Variants in UGT1A6 observed in about 807,000 individuals in gnomAD.
The protein encoded by UGT1A6 is UDP-glucuronosyltransferase 1A6.
In UGT1A6, 32 loss-of-function variants were observed where a neutral mutation model predicts 44.4. That is an observed-to-expected ratio of 0.72 (90% CI 0.54 to 0.97). The LOEUF is 0.97. Ranked by LOEUF, UGT1A6 falls within the 50% of genes least tolerant of loss-of-function variation. The pLI is 0.00. For missense variants in UGT1A6, 685 were observed against 661.9 expected (o/e 1.03, Z -0.38); for synonymous variants, 238 against 248.5 (o/e 0.96, Z 0.40).
At chr2:233,758,920 TC>T (rs1167539865) in intron 1 of UGT1A6, among the ~76,000 whole-genome samples, 7 of 152,264 alleles carry the variant, frequency 4.6e-5, no homozygotes, top group African/African-American at 1.7e-4. Flanking sequence ...TGCTCATCTT[TC>T]CCTTTTGACT....
At chr2:233,703,078 G>C (rs937204099) in intron 1 of UGT1A6, among the ~76,000 whole-genome samples, 2 of 152,100 alleles carry the variant, frequency 1.3e-5, no homozygotes, top group African/African-American at 4.8e-5. Flanking sequence ...TCTGGGCCTA[G>C]GCTTTTCTTG....
In UGT1A6 at chr2:233,768,537, T is replaced by C; in HGVS notation, c.1301+98T>C. ...TTACGTAGCATTTAATAGCGTTGTT[T>C]CAAATATAAAAACAAATACATAAAA... On this transcript the variant is annotated intron_variant, in intron 4 of 4. Transcript: ENST00000305139. 2.0e-6 allele frequency: 3 copies of C among 1,499,906 alleles called. No individual in the cohort carries two copies. The South Asian group carries it at 4.0e-5, about 20-fold the overall frequency. The allele number at this position is 1,499,906 out of a possible 1,614,324, so 92.9% of individuals were successfully genotyped here.
intron 1 of UGT1A6, chr2:233,708,634 C>CTAA (rs2076027247): frequency 6.6e-6 from 1 of 152,130 alleles, no homozygotes; most frequent in Non-Finnish European, 1.5e-5. Flanking sequence ...GCCTGTAGAC[C>CTAA]TAACTACTCG....
In UGT1A6 at chr2:233,768,310, C is replaced by G; in HGVS notation, c.1172C>G (p.Pro391Arg). 6.2e-7 allele frequency: 1 copy of G among 1,614,060 alleles called. No homozygotes were observed. Among genetic ancestry groups the G allele is most frequent in the Non-Finnish European group, 8.5e-7 (1 of 1,180,018 alleles). ...ICNGVPMVMM[P>R]LFGDQMDNAK... ...AATGGCGTTCCCATGGTGATGATGC[C>G]CTTGTTTGGTGATCAGATGGACAAT... The change falls in exon 4 of 5, where the codon CCC becomes CGC. Residue 391 changes from proline to arginine, a missense_variant. Physicochemically the swap from Pro to Arg is moderately radical, Grantham distance 103. Coordinates refer to ENST00000305139, the MANE Select transcript of UGT1A6 (RefSeq NM_001072.4).
intron 1 of UGT1A6, among the ~76,000 whole-genome samples, chr2:233,699,227 G>A (rs566093011): frequency 2.6e-5 from 4 of 152,078 alleles, no homozygotes; most frequent in South Asian, 2.1e-4. Flanking sequence ...AAACAAAAAC[G>A]AACTTTTGTT....
intron 1 of UGT1A6, chr2:233,743,017 T>G (rs1054805): frequency 8.4e-6 from 2 of 239,502 alleles, no homozygotes; most frequent in African/African-American, 2.3e-5. Flanking sequence ...TTACAACGAT[T>G]GAAAGACAAA....
At chr2:233,729,380 C>T (rs1362745678) in intron 1 of UGT1A6, 2 of 1,613,892 alleles carry the variant, frequency 1.2e-6, no homozygotes, top group Admixed American at 3.3e-5. Flanking sequence ...ATTTCGTGGA[C>T]CCAGGATGAA....
Position 233,720,871 on chromosome 2 carries a change from ATT to A in UGT1A6, c.861+27024_861+27025del, listed in dbSNP as rs60621337. On this transcript the variant is annotated intron_variant, in intron 1 of 4. Transcript: ENST00000305139. ...CAGGCATGTGCCACTGCTCCTGGCAATTTTTTTTTTTTTTTTTTTAGTAGAGA... is the reference window on the plus strand; with the variant it reads ...CAGGCATGTGCCACTGCTCCTGGCAATTTTTTTTTTTTTTTTTAGTAGAGA... Among the ~76,000 whole-genome samples, 774 of 132,742 alleles carry A rather than the reference ATT, an allele frequency of 5.8e-3. 4 individuals are homozygous for A. Among genetic ancestry groups the A allele is most frequent in the African/African-American group, 0.021 (722 of 34,968 alleles). The allele number at this position is 132,742 out of a possible 152,430, so 87.1% of individuals were successfully genotyped here.
rs529174964 is a variant in UGT1A6, at chr2:233,763,096, G to C, written c.862-3938G>C. Among the ~76,000 whole-genome samples the C allele has an allele frequency of 2.0e-5, 3 of 152,310 alleles. No individual in the cohort carries two copies. The East Asian group carries it at 5.8e-4, about 29-fold the overall frequency. On this transcript the variant is annotated intron_variant, in intron 1 of 4. Transcript: ENST00000305139. Reference sequence around the variant, plus strand: ...TTGCGTGAGGATGTTTGTAGGAGAGGCACCGAACTTTATCAGCTGCCTTTC... The same window carrying C: ...TTGCGTGAGGATGTTTGTAGGAGAGCCACCGAACTTTATCAGCTGCCTTTC...
chr2:233,719,460 A>G (rs1246194509), intron 1 of UGT1A6: 3 of 1,613,974 alleles, frequency 1.9e-6, no homozygotes, highest in Non-Finnish European at 2.5e-6. Context: ...GGTCAAGAAC[A>G]TGCTCTACCC....
At chr2:233,748,157 C>A in intron 1 of UGT1A6, 2 of 1,600,820 alleles carry the variant, frequency 1.2e-6, no homozygotes, top group Non-Finnish European at 1.7e-6. Context: ...ACAATTGCTT[C>A]CATATCTACT....
intron 1 of UGT1A6, chr2:233,719,039 A>C (rs201935850): frequency 2.4e-4 from 385 of 1,614,106 alleles, no homozygotes; most frequent in Admixed American, 1.3e-3. Flanking sequence ...AAGAAGAGAA[A>C]TTTTTCACCC....
At chr2:233,694,209 T>C (rs2075205293) in intron 1 of UGT1A6, among the ~76,000 whole-genome samples, 1 of 152,148 alleles carries the variant, frequency 6.6e-6, no homozygotes. Flanking sequence ...AAAATCCATT[T>C]TCCCAACTCT....
intron 1 of UGT1A6, chr2:233,717,684 G>A: frequency 2.3e-6 from 1 of 439,992 alleles, no homozygotes; most frequent in South Asian, 1.6e-5. Flanking sequence ...GCACATGTAG[G>A]AGTGACTTTC....
At chr2:233,710,235 C>T (rs1034132814) in intron 1 of UGT1A6, among the ~76,000 whole-genome samples, 2 of 152,122 alleles carry the variant, frequency 1.3e-5, no homozygotes, top group African/African-American at 2.4e-5. Flanking sequence ...TATGACTATT[C>T]GAGTACGAGT....
At chr2:233,709,468 G>T (rs1361745327) in intron 1 of UGT1A6, among the ~76,000 whole-genome samples, 1 of 152,084 alleles carries the variant, frequency 6.6e-6, no homozygotes, top group Non-Finnish European at 1.5e-5. Flanking sequence ...TCATTTTGGG[G>T]CTTATAAGTA....
chr2:233,722,936 C>A (rs1348734383), intron 1 of UGT1A6, among the ~76,000 whole-genome samples: 1 of 147,750 alleles, frequency 6.8e-6, no homozygotes, highest in Non-Finnish European at 1.5e-5. Flanking sequence ...TGTCTCCATG[C>A]TGAGTGGGCT....
chr2:233,750,277 G>T (rs1168754564), intron 1 of UGT1A6, among the ~76,000 whole-genome samples: 1 of 151,936 alleles, frequency 6.6e-6, no homozygotes, highest in Admixed American at 6.5e-5. Context: ...TTAGCAAAGA[G>T]ACTGGTGGCA....
chr2:233,719,246 T>C (rs1449809732), intron 1 of UGT1A6: 8 of 1,614,096 alleles, frequency 5.0e-6, no homozygotes, highest in Non-Finnish European at 6.8e-6. Flanking sequence ...GGCACCTGAA[T>C]GCTACTTCCT....
Sources: allele counts gnomAD v4.1 joint callset (sites outside exome capture counted in the v4.1 genomes callset), GRCh38; gene constraint gnomAD v4.1.1; transcripts MANE v1.5; gene names NCBI Gene and HGNC (gene_info 2026-07-23, HGNC 2026-07-21).